ECRG4: variants seen among roughly 807,000 people sequenced by gnomAD.
The protein encoded by ECRG4 is augurin.
A neutral mutation model predicts 15.8 loss-of-function variants in ECRG4; 18 were observed. The ratio of observed to expected loss-of-function variants is 1.14; its 90% CI spans 0.79 to 1.69. The LOEUF (loss-of-function observed/expected upper bound fraction) is 1.69. Ranked by LOEUF, ECRG4 falls within the 40% of genes most tolerant of loss-of-function variation. ECRG4 has a pLI of 0.00. For synonymous variants in ECRG4, 82 were observed against 73.9 expected (o/e 1.11, Z -0.56); for missense variants, 200 against 190.9 (o/e 1.05, Z -0.28).
chr2:106,067,067 G>GT lies in ECRG4; in HGVS notation c.79+1224_79+1225insT, dbSNP rs1348225851. Among the ~76,000 whole-genome samples the GT allele has an allele frequency of 3.8e-5, 3 of 78,034 alleles. 1 individual carries two copies. The highest frequency in any genetic ancestry group is 5.7e-4 in the East Asian group (1 of 1,744). 51.2% of individuals were successfully genotyped at this position (78,034 alleles called of 152,430 possible). On this transcript the variant is annotated intron_variant, in intron 1 of 3. Transcript: ENST00000238044. ...CCAGCACTTTGGGAGGCCGGGGGGGGGGGGGGGGCAGATCACCTGAGGTCG... is the reference window on the plus strand; with the variant it reads ...CCAGCACTTTGGGAGGCCGGGGGGGGTGGGGGGGGCAGATCACCTGAGGTCG...
At chr2:106,072,197 G>C (rs1312170804) in intron 2 of ECRG4, 1 of 256,336 alleles carries the variant, frequency 3.9e-6, no homozygotes, top group Non-Finnish European at 7.4e-6. Flanking sequence ...GAGCACTTTA[G>C]AGACTATCTT....
chr2:106,075,819 G>T (rs568170151), intron 3 of ECRG4, among the ~76,000 whole-genome samples: 1 of 152,298 alleles, frequency 6.6e-6, no homozygotes, highest in South Asian at 2.1e-4. Context: ...TAAGATTACA[G>T]TAACTTAATA....
At chr2:106,069,554 C>G (rs1259163472) in intron 1 of ECRG4, among the ~76,000 whole-genome samples, 4 of 152,170 alleles carry the variant, frequency 2.6e-5, no homozygotes, top group South Asian at 2.1e-4. Context: ...AGGCTGGTCT[C>G]AAACTCCTGA....
At chr2:106,068,411 G>C (rs1676269730) in intron 1 of ECRG4, among the ~76,000 whole-genome samples, 1 of 152,140 alleles carries the variant, frequency 6.6e-6, no homozygotes, top group Non-Finnish European at 1.5e-5. Context: ...ATTTAGTGTA[G>C]TGTCCAGTTA....
chr2:106,069,209 TTTC>T (rs1418230310), intron 1 of ECRG4, among the ~76,000 whole-genome samples: 2 of 145,990 alleles, frequency 1.4e-5, no homozygotes, highest in South Asian at 2.1e-4. Context: ...TCTTTTTTAT[TTTC>T]TTTTCTTTCT....
intron 3 of ECRG4, among the ~76,000 whole-genome samples, chr2:106,076,665 C>A (rs1047284538): frequency 2.6e-5 from 4 of 152,148 alleles, no homozygotes; most frequent in African/African-American, 9.7e-5. Flanking sequence ...CATTGGCAGT[C>A]TTGTTAAAAT....
At chr2:106,070,928 AG>A (rs1676351596) in intron 1 of ECRG4, 1 of 471,362 alleles carries the variant, frequency 2.1e-6, no homozygotes, top group Non-Finnish European at 4.4e-6. Flanking sequence ...GTCATGCAAC[AG>A]TTAAGGGTCA....
intron 3 of ECRG4, among the ~76,000 whole-genome samples, chr2:106,075,776 G>C (rs1374817331): frequency 6.6e-6 from 1 of 152,012 alleles, no homozygotes; most frequent in African/African-American, 2.4e-5. Flanking sequence ...AATAATGTCA[G>C]GTGACAAAAC....
intron 1 of ECRG4, among the ~76,000 whole-genome samples, chr2:106,070,231 T>C (rs546003341): frequency 1.3e-5 from 2 of 152,350 alleles, no homozygotes; most frequent in East Asian, 1.9e-4. Context: ...GGGCTGTTCC[T>C]GGACAACCAG....
chr2:106,073,255 G>A (rs1019837269), intron 2 of ECRG4, among the ~76,000 whole-genome samples: 1 of 152,214 alleles, frequency 6.6e-6, no homozygotes, highest in African/African-American at 2.4e-5. Context: ...ATGGAAAGAC[G>A]TTAGCAGCAG....
chr2:106,065,620 C>G (rs1168548470), upstream of ECRG4: 4 of 528,046 alleles, frequency 7.6e-6, no homozygotes, highest in East Asian at 1.5e-4. Context: ...TCTGGCGCGG[C>G]GCCCACCCGC....
chr2:106,071,923 T>C, intron 2 of ECRG4, 32 bp downstream of exon 2: 1 of 1,576,686 alleles, frequency 6.3e-7, no homozygotes, highest in Non-Finnish European at 8.7e-7. Flanking sequence ...AAGGGATGCA[T>C]TCTTAACTGG....
chr2:106,073,368 G>C (rs1441591511), intron 2 of ECRG4, among the ~76,000 whole-genome samples: 2 of 152,210 alleles, frequency 1.3e-5, no homozygotes, highest in East Asian at 3.9e-4. Flanking sequence ...CCTGGTGTGA[G>C]AATCAGCTGT....
chr2:106,066,951 C>T (rs1676227384), intron 1 of ECRG4, among the ~76,000 whole-genome samples: 1 of 150,762 alleles, frequency 6.6e-6, no homozygotes, highest in Non-Finnish European at 1.5e-5. Context: ...TCAGTCATTT[C>T]CCGTTGTATG....
Position 106,073,885 on chromosome 2 carries a change from G to T in ECRG4, c.128-1G>T. The T allele has an allele frequency of 1.2e-6, 2 of 1,614,018 alleles. No homozygotes were observed. The highest frequency in any genetic ancestry group is 1.7e-6 in the Non-Finnish European group (2 of 1,179,838). ...TGGGGATGGGGAATTGATGATTTCAGCACCTGTTCCAACTAAGACTAAAGT... is the reference window on the plus strand; with the variant it reads ...TGGGGATGGGGAATTGATGATTTCATCACCTGTTCCAACTAAGACTAAAGT... On this transcript the variant is annotated splice_acceptor_variant, in intron 2 of 3. Transcript: ENST00000238044. LOFTEE classifies it high-confidence loss of function.
At chr2:106,075,975 A>T (rs1321743890) in intron 3 of ECRG4, among the ~76,000 whole-genome samples, 1 of 152,336 alleles carries the variant, frequency 6.6e-6, no homozygotes, top group African/African-American at 2.4e-5. Context: ...CAAAGATTTT[A>T]AAAAATTTTT....
At chr2:106,065,900 G>A in intron 1 of ECRG4, 57 bp downstream of exon 1, 2 of 1,399,076 alleles carry the variant, frequency 1.4e-6, no homozygotes, top group Non-Finnish European at 1.9e-6. Flanking sequence ...GCCCCATGTG[G>A]CGCTTCCATG....
chr2:106,066,154 G>T (rs1481285060), intron 1 of ECRG4, among the ~76,000 whole-genome samples: 1 of 152,202 alleles, frequency 6.6e-6, no homozygotes, highest in Non-Finnish European at 1.5e-5. Flanking sequence ...GTGGCTTAAC[G>T]TAAGGGGCAA....
At chr2:106,070,897 G>A (rs988736318) in intron 1 of ECRG4, 2 of 471,114 alleles carry the variant, frequency 4.2e-6, no homozygotes, top group Admixed American at 4.7e-5. Context: ...ACCCGAAGTT[G>A]CTCTACTCAC....
Sources: allele counts gnomAD v4.1 joint callset (sites outside exome capture counted in the v4.1 genomes callset), GRCh38; gene constraint gnomAD v4.1.1; transcripts MANE v1.5; gene names NCBI Gene and HGNC (gene_info 2026-07-23, HGNC 2026-07-21).